Variants in SF3B3 observed in about 807,000 individuals in gnomAD.
SF3B3 encodes the protein splicing factor 3b subunit 3.
In SF3B3, 33 loss-of-function variants were observed where a neutral mutation model predicts 139.2. The observed-to-expected ratio is 0.24, with a 90% confidence interval of 0.18 to 0.32. SF3B3 has a LOEUF of 0.32. SF3B3 is among the 10% of genes least tolerant of loss of function. The probability of loss-of-function intolerance (pLI) is 1.00; values close to 1 mark genes in which losing one functional copy is unlikely to be tolerated. For synonymous variants in SF3B3, 596 were observed against 563.6 expected, an observed-to-expected ratio of 1.06 and a Z score of -0.81; for missense variants, 818 against 1,509.4, an observed-to-expected ratio of 0.54 and a Z score of 7.59.
chr16:70,538,401 T>G lies in SF3B3; in HGVS notation c.904T>G (p.Leu302Val). 1.2e-6 allele frequency: 2 copies of G among 1,614,054 alleles called. No individual in the cohort carries two copies. Among genetic ancestry groups the G allele is most frequent in the South Asian group, 2.2e-5 (2 of 91,086 alleles). ...TAAAACCAAATCGATGTTCTTCTTT[T>G]TGGCTCAAACTGAGCAGGGAGATAT... ...THKTKSMFFF[L>V]AQTEQGDIFK... Residue 302 changes from leucine to valine, a missense_variant, in exon 7 of 26, where the codon TTG (leucine) becomes GTG (valine). Transcript: ENST00000302516.
At chr16:70,526,873 T>C in intron 2 of SF3B3, 147 bp downstream of exon 2, 1 of 626,196 alleles carries the variant, frequency 1.6e-6, no homozygotes, top group Non-Finnish European at 2.8e-6. Context: ...AGGTGTTAAG[T>C]TCTGGTGCAT....
intron 25 of SF3B3, among the ~76,000 whole-genome samples, 168 bp downstream of exon 25, chr16:70,571,367 A>C (rs1430498223): frequency 1.3e-5 from 2 of 152,210 alleles, no homozygotes; most frequent in Non-Finnish European, 2.9e-5. Context: ...CCAAGAGTCA[A>C]CTTAAGATAG....
intron 11 of SF3B3, among the ~76,000 whole-genome samples, chr16:70,549,091 CAT>C (rs1463647852): frequency 7.2e-5 from 11 of 152,216 alleles, no homozygotes; most frequent in Non-Finnish European, 1.6e-4. Context: ...ATTGCAGCCT[CAT>C]AGAAAGAAAG....
intron 1 of SF3B3, among the ~76,000 whole-genome samples, chr16:70,526,038 C>G (rs1419777501): frequency 6.6e-6 from 1 of 151,522 alleles, no homozygotes; most frequent in East Asian, 1.9e-4. Context: ...TCTCAGGACC[C>G]ATTTCTAGCC....
At chr16:70,557,129 G>C in intron 15 of SF3B3, 100 bp downstream of exon 15, 1 of 1,272,440 alleles carries the variant, frequency 7.9e-7, no homozygotes. Flanking sequence ...CATGGTTTCA[G>C]ATCCTCACCT....
chr16:70,544,408 A>AT (rs1378942105), intron 9 of SF3B3, 30 bp from the exon 10 acceptor site: 2 of 1,388,952 alleles, frequency 1.4e-6, no homozygotes, highest in Non-Finnish European at 2.0e-6. Context: ...CACTGGAGAC[A>AT]TTTTTTCCTC....
At position 70,554,486 on chromosome 16, in the gene SF3B3, C is replaced by T; in HGVS notation, c.1443C>T (p.Ala481=). ...DAYIIVSFVN[A]TLVLSIGETV... is the part of the protein sequence containing the mutation. ...ACATCATTGTGTCTTTCGTGAATGC[C>T]ACCCTAGTGTTGTCCATTGGAGAAA... Residue 481 remains alanine, a synonymous_variant, in exon 12 of 26, where the codon GCC becomes GCT. Transcript: ENST00000302516. 1 of 1,614,056 alleles carries T rather than the reference C, an allele frequency of 6.2e-7. No homozygotes were observed.
intron 5 of SF3B3, 82 bp from the exon 6 acceptor site, chr16:70,535,226 T>C (rs1483606411): frequency 9.4e-6 from 6 of 638,912 alleles, no homozygotes; most frequent in Non-Finnish European, 1.7e-5. Context: ...CATCAAGTTG[T>C]GCTGAAAGAG....
intron 9 of SF3B3, among the ~76,000 whole-genome samples, chr16:70,542,708 C>CTTTTTTTTTCT (rs552262589): frequency 5.3e-5 from 8 of 150,118 alleles, no homozygotes; most frequent in Non-Finnish European, 3.0e-5. Flanking sequence ...TGACTAATTT[C>CTTTTTTTTTCT]TTTTTTTTTC....
rs145215977 is a variant in SF3B3, at chr16:70,575,786, C to T, written c.*3973C>T. 1.3e-5 allele frequency: 2 copies of T among 152,280 alleles called. No homozygotes were observed. The highest frequency in any genetic ancestry group is 4.8e-5 in the African/African-American group (2 of 41,556). 9.4% of individuals were successfully genotyped at this position (152,280 alleles called of 1,614,324 possible). Reference sequence around the variant, plus strand: ...GACTTCAGGAAAAATCAGAAGGTCCCAAGTCTGAAAAATGAAGAGGTGGGG... The same window carrying T: ...GACTTCAGGAAAAATCAGAAGGTCCTAAGTCTGAAAAATGAAGAGGTGGGG... On this transcript the variant is annotated 3_prime_UTR_variant, in exon 26 of 26. Transcript: ENST00000302516.
Position 70,564,188 on chromosome 16 carries a change from T to C in SF3B3, c.2463+138T>C, listed in dbSNP as rs767083693. On this transcript the variant is annotated intron_variant, in intron 18 of 25. Transcript: ENST00000302516. The stretch of plus-strand genomic sequence containing the variant: ...TAGTTCGAGACCAGCCTGGGCAACA[T>C]AGCAAAACTGCACCTCTATTAAAAA... 2.2e-4 allele frequency: 168 copies of C among 780,520 alleles called. 1 individual carries two copies. The highest frequency in any genetic ancestry group is 2.5e-4 in the Non-Finnish European group (124 of 498,608). The allele number at this position is 780,520 out of a possible 1,614,324, so 48.3% of individuals were successfully genotyped here.
chr16:70,566,861 C>A (rs901379610), intron 20 of SF3B3, among the ~76,000 whole-genome samples: 1 of 152,036 alleles, frequency 6.6e-6, no homozygotes, highest in Non-Finnish European at 1.5e-5. Context: ...CCAGCCTGGG[C>A]AATGTGGTGA....
intron 2 of SF3B3, 22 bp downstream of exon 2, chr16:70,526,748 T>A: frequency 6.4e-7 from 1 of 1,555,740 alleles, no homozygotes; most frequent in Non-Finnish European, 8.9e-7. Flanking sequence ...CGTTACCATC[T>A]TTTGAAATTT....
chr16:70,539,058 C>A, intron 7 of SF3B3, 46 bp from the exon 8 acceptor site: 1 of 1,308,986 alleles, frequency 7.6e-7, no homozygotes, highest in Non-Finnish European at 1.1e-6. Context: ...TAATACGGGG[C>A]TCACTTCACT....
Position 70,560,684 on chromosome 16 carries a change from T to C in SF3B3, c.2133+93T>C, listed in dbSNP as rs1597721247. On this transcript the variant is annotated intron_variant, in intron 16 of 25. Coordinates refer to ENST00000302516, the MANE Select transcript of SF3B3 (RefSeq NM_012426.5). Reference sequence around the variant, plus strand: ...TTGCTGTAAGCTTCACTGTCACTAATTTGCCACTCCATCTTGATTGGTTTC... The same window carrying C: ...TTGCTGTAAGCTTCACTGTCACTAACTTGCCACTCCATCTTGATTGGTTTC... 2.8e-6 allele frequency: 4 copies of C among 1,418,712 alleles called. No individual in the cohort carries two copies. The East Asian group carries it at 9.7e-5, about 34-fold the overall frequency. 87.9% of individuals were successfully genotyped at this position (1,418,712 alleles called of 1,614,324 possible).
rs148897352 is a variant in SF3B3 at position 70,530,127 on chromosome 16, AAAATAAATAAAT to A, written c.398-583_398-572del. On this transcript the variant is annotated intron_variant, in intron 3 of 25. Coordinates refer to ENST00000302516, the MANE Select transcript of SF3B3 (RefSeq NM_012426.5). ...GACGACAGAGTGAGACTGCATCTCA[AAAATAAATAAAT>A]AAATAAATAAATAAATAAATAAATA... is the stretch of plus-strand genomic sequence containing the variant. Among the ~76,000 whole-genome samples, 608 of 133,110 alleles carry A rather than the reference AAAATAAATAAAT, an allele frequency of 4.6e-3. 2 individuals are homozygous for A. The highest frequency in any genetic ancestry group is 9.0e-3 in the African/African-American group (316 of 35,198). The allele number at this position is 133,110 out of a possible 152,430, so 87.3% of individuals were successfully genotyped here.
chr16:70,541,634 G>T (rs751405688), intron 8 of SF3B3, 35 bp from the exon 9 acceptor site: 3 of 1,582,708 alleles, frequency 1.9e-6, no homozygotes, highest in Non-Finnish European at 1.7e-6. Flanking sequence ...CAGAGAACTC[G>T]TTACCGAAAG....
intron 2 of SF3B3, among the ~76,000 whole-genome samples, chr16:70,527,550 C>T (rs2050075982): frequency 6.6e-6 from 1 of 152,080 alleles, no homozygotes; most frequent in South Asian, 2.1e-4. Context: ...TTGTTATTTT[C>T]TCTGATCCTC....
intron 22 of SF3B3, among the ~76,000 whole-genome samples, 188 bp downstream of exon 22, chr16:70,568,683 G>C (rs1440961975): frequency 2.0e-5 from 3 of 152,172 alleles, no homozygotes; most frequent in Non-Finnish European, 4.4e-5. Context: ...ATTTTTCTCT[G>C]TGGTTTATCT....
Sources: allele counts gnomAD v4.1 joint callset (sites outside exome capture counted in the v4.1 genomes callset), GRCh38; gene constraint gnomAD v4.1.1; transcripts MANE v1.5; gene names NCBI Gene and HGNC (gene_info 2026-07-23, HGNC 2026-07-21).